Variants in XKR9 observed in about 807,000 individuals in gnomAD.
The protein encoded by XKR9 is XK related 9.
A neutral mutation model predicts 32.0 loss-of-function variants in XKR9; 32 were observed. That is an observed-to-expected ratio of 1.00 (90% CI 0.76 to 1.34). XKR9 has a LOEUF of 1.34. XKR9 is among the 40% of genes most tolerant of loss of function. The probability of loss-of-function intolerance (pLI) is 0.00; values close to 1 mark genes in which losing one functional copy is unlikely to be tolerated. For missense variants in XKR9, 546 were observed against 429.7 expected, an observed-to-expected ratio of 1.27 and a Z score of -2.39; for synonymous variants, 168 against 143.4, an observed-to-expected ratio of 1.17 and a Z score of -1.22.
At chr8:70,968,198 CTG>C in the XKR9 span, among the ~76,000 whole-genome samples, 1 of 151,296 alleles carries the variant, frequency 6.6e-6, no homozygotes, top group East Asian at 1.9e-4. Context: ...TCTTCAAACT[CTG>C]AGATTTTTTC....
At chr8:70,859,068 C>G in the XKR9 span, among the ~76,000 whole-genome samples, 126 of 152,132 alleles carry the variant, frequency 8.3e-4, no homozygotes, top group Non-Finnish European at 1.2e-3. Context: ...AGAGACAACA[C>G]ACAGAATGAG....
chr8:70,755,653 G>A (rs1357044416), intron 2 of XKR9, among the ~76,000 whole-genome samples: 6 of 150,586 alleles, frequency 4.0e-5, no homozygotes, highest in South Asian at 2.1e-4. Flanking sequence ...GTAAACTATC[G>A]GAAGGACAAA....
At chr8:70,828,840 C>T in the XKR9 span, among the ~76,000 whole-genome samples, 1 of 151,956 alleles carries the variant, frequency 6.6e-6, no homozygotes, top group Non-Finnish European at 1.5e-5. Flanking sequence ...TCCATTGGGT[C>T]ATTAATAGTC....
Position 70,734,004 on chromosome 8 carries a change from G to A in XKR9, c.702G>A (p.Leu234=), listed in dbSNP as rs1393988197. 1.9e-6 allele frequency: 3 copies of A among 1,612,260 alleles called. No individual in the cohort carries two copies. Among genetic ancestry groups the A allele is most frequent in the Admixed American group, 1.7e-5 (1 of 59,730 alleles). The change falls in exon 5 of 5, where the codon CTG becomes CTA. Residue 234 remains leucine (L), a synonymous_variant. Coordinates refer to ENST00000408926, the MANE Select transcript of XKR9 (RefSeq NM_001011720.2). ...LFLNVKIALF[L]LLFLWLLGII... Reference sequence around the variant, plus strand: ...TAAATGTTAAGATTGCTTTATTTCTGTTGTTATTTCTTTGGTTGTTAGGTA... The same window carrying A: ...TAAATGTTAAGATTGCTTTATTTCTATTGTTATTTCTTTGGTTGTTAGGTA...
chr8:70,816,025 G>C, the XKR9 span, among the ~76,000 whole-genome samples: 1 of 151,776 alleles, frequency 6.6e-6, no homozygotes. Context: ...GGGATTGCTG[G>C]GTAGAATGTT....
the XKR9 span, among the ~76,000 whole-genome samples, chr8:70,939,944 T>C: frequency 1.3e-5 from 2 of 152,102 alleles, no homozygotes; most frequent in Non-Finnish European, 2.9e-5. Context: ...TTTTTTCAGA[T>C]GTATAAACTG....
chr8:70,969,124 A>G, the XKR9 span, among the ~76,000 whole-genome samples: 1 of 152,350 alleles, frequency 6.6e-6, no homozygotes, highest in South Asian at 2.1e-4. Flanking sequence ...CAGAAGGTCA[A>G]CTTTCAATAA....
At chr8:71,006,834 A>T in the XKR9 span, among the ~76,000 whole-genome samples, 101 of 152,284 alleles carry the variant, frequency 6.6e-4, no homozygotes, top group Non-Finnish European at 1.3e-3. Flanking sequence ...TCTTCTTAAT[A>T]AAGGGATAGA....
At chr8:70,743,365 A>G (rs1395180492) in intron 2 of XKR9, among the ~76,000 whole-genome samples, 2 of 152,112 alleles carry the variant, frequency 1.3e-5, no homozygotes, top group African/African-American at 4.8e-5. Context: ...ACTAATTCCA[A>G]TACCTGGGTC....
chr8:70,719,567 T>C (rs942365860), intron 4 of XKR9, among the ~76,000 whole-genome samples: 1 of 152,166 alleles, frequency 6.6e-6, no homozygotes, highest in African/African-American at 2.4e-5. Context: ...GGGAATCCTT[T>C]CCTCTTTGCT....
chr8:70,729,657 C>T (rs957744896), intron 4 of XKR9, among the ~76,000 whole-genome samples: 1 of 152,048 alleles, frequency 6.6e-6, no homozygotes, highest in African/African-American at 2.4e-5. Flanking sequence ...GTTAAAGACA[C>T]AATTGACAAG....
At chr8:70,730,225 A>C (rs1304589302) in intron 4 of XKR9, among the ~76,000 whole-genome samples, 2 of 152,200 alleles carry the variant, frequency 1.3e-5, no homozygotes, top group Non-Finnish European at 2.9e-5. Flanking sequence ...ATATTACATA[A>C]AAATCTTTTT....
At chr8:70,948,736 A>G in the XKR9 span, among the ~76,000 whole-genome samples, 1 of 152,232 alleles carries the variant, frequency 6.6e-6, no homozygotes, top group African/African-American at 2.4e-5. Context: ...GTGGCTAAAG[A>G]ATAATCCAAG....
the XKR9 span, among the ~76,000 whole-genome samples, chr8:70,885,884 T>C: frequency 6.6e-6 from 1 of 152,036 alleles, no homozygotes; most frequent in Admixed American, 6.6e-5. Context: ...GCGTGAGCCA[T>C]TGCGCCCGGA....
chr8:70,914,609 C>T, the XKR9 span, among the ~76,000 whole-genome samples: 2 of 152,236 alleles, frequency 1.3e-5, no homozygotes, highest in East Asian at 1.9e-4. Flanking sequence ...TTTCTGTATA[C>T]ATTCTGCACA....
chr8:70,782,947 G>A (rs1807636206), intron 2 of XKR9, among the ~76,000 whole-genome samples: 1 of 152,122 alleles, frequency 6.6e-6, no homozygotes, highest in Admixed American at 6.6e-5. Context: ...ACTCAGAAGT[G>A]GGATTGCTGG....
the XKR9 span, among the ~76,000 whole-genome samples, chr8:70,940,611 G>A: frequency 1.3e-5 from 2 of 151,994 alleles, no homozygotes; most frequent in Non-Finnish European, 2.9e-5. Context: ...ATAACACTGT[G>A]CCTCTTTTGC....
At chr8:70,901,164 G>A in the XKR9 span, among the ~76,000 whole-genome samples, 6 of 152,114 alleles carry the variant, frequency 3.9e-5, no homozygotes, top group Non-Finnish European at 8.8e-5. Flanking sequence ...AATCTTTTGG[G>A]TATATACCCA....
chr8:70,994,038 T>C, the XKR9 span, among the ~76,000 whole-genome samples: 2 of 152,176 alleles, frequency 1.3e-5, no homozygotes, highest in Admixed American at 6.5e-5. Flanking sequence ...CCTCACCAAA[T>C]CTGGCCAAAC....
Sources: gnomAD v4.1 joint callset for allele counts (sites outside exome capture counted in the v4.1 genomes callset) on GRCh38, gnomAD v4.1.1 for gene constraint, MANE v1.5 for transcripts, NCBI Gene and HGNC (gene_info 2026-07-23, HGNC 2026-07-21) for gene names.